The following GARRE1 variants were observed in gnomAD, a reference collection of about 807,000 sequenced individuals.
The protein encoded by GARRE1 is granule associated Rac and RHOG effector protein 1.
GARRE1 carries 49 observed loss-of-function variants against 103.2 expected under a neutral mutation model. The ratio of observed to expected loss-of-function variants is 0.47; its 90% CI spans 0.38 to 0.60. The LOEUF is 0.60. Ranked by LOEUF, GARRE1 falls within the 20% of genes least tolerant of loss-of-function variation. GARRE1 has a pLI of 0.00. For synonymous variants in GARRE1, 505 were observed against 532.8 expected, an observed-to-expected ratio of 0.95 and a Z score of 0.72; for missense variants, 1,199 against 1,370.5, an observed-to-expected ratio of 0.87 and a Z score of 1.98.
chr19:34,332,776 A>AT (rs1412564950), intron 7 of GARRE1, among the ~76,000 whole-genome samples: 1 of 152,076 alleles, frequency 6.6e-6, no homozygotes, highest in Admixed American at 6.6e-5. Flanking sequence ...ATATTTTATG[A>AT]TTTTTTAAAA....
intron 1 of GARRE1, among the ~76,000 whole-genome samples, chr19:34,299,341 C>T (rs532973271): frequency 6.6e-6 from 1 of 152,290 alleles, no homozygotes; most frequent in African/African-American, 2.4e-5. Context: ...AATCTGAGTA[C>T]TCATGTGATC....
At chr19:34,290,649 G>C (rs927990706) in intron 1 of GARRE1, among the ~76,000 whole-genome samples, 4 of 151,790 alleles carry the variant, frequency 2.6e-5, no homozygotes, top group African/African-American at 9.7e-5. Flanking sequence ...AGGTGACCTG[G>C]CTAATTTGAA....
rs1462696070 is a variant in GARRE1, at chr19:34,342,021, TG to T, written c.2088del (p.Pro698LeufsTer14). 6.2e-7 allele frequency: 1 copy of T among 1,614,114 alleles called. No individual in the cohort carries two copies. The highest frequency in any genetic ancestry group is 1.1e-5 in the South Asian group (1 of 91,072). On this transcript the variant is annotated frameshift_variant, in exon 10 of 14. Transcript: ENST00000299505. LOFTEE classifies it high-confidence loss of function. ...CAACCACAGCAGCCGTCACTGCCTG[TG>T]CCCCCTCCACCACGGGCACCCCAGG... ...AMQPQQPSLPVPPPPRAPQAG... is the reference protein window; with the variant it reads ...AMQPQQPSLPXPPPPRAPQAG...
Position 34,342,101 on chromosome 19 carries a change from TC to T in GARRE1, c.2171del (p.Pro724GlnfsTer71). 2 of 1,613,880 alleles carry T rather than the reference TC, an allele frequency of 1.2e-6. No homozygotes were observed. Among genetic ancestry groups the T allele is most frequent in the Non-Finnish European group, 1.7e-6 (2 of 1,179,966 alleles). ...PQPGLAPQQQ[S>X]PKQQQPQVQY... ...GCCGGGACTGGCACCTCAGCAGCAG[TC>T]CCCAAAGCAGCAACAACCTCAAGTC... is the stretch of plus-strand genomic sequence containing the variant. On this transcript the variant is annotated frameshift_variant, in exon 10 of 14. Coordinates refer to ENST00000299505, the MANE Select transcript of GARRE1 (RefSeq NM_014686.5). LOFTEE classifies it high-confidence loss of function.
rs780885272 is a variant in GARRE1 at position 34,352,727 on chromosome 19, C to T, written c.2985C>T (p.Ser995=). 14 of 1,613,988 alleles carry T rather than the reference C, an allele frequency of 8.7e-6. No individual in the cohort carries two copies. Among genetic ancestry groups the T allele is most frequent in the African/African-American group, 4.0e-5 (3 of 74,904 alleles). The part of the protein sequence containing the change: ...SPLPSTLPSP[S]APLYAVTSPG... ...TTCCCAGCACGCTGCCCAGCCCCAG[C>T]GCACCACTCTATGCAGTCACCAGCC... The change falls in exon 14 of 14, where the codon AGC becomes AGT. Residue 995 remains serine, a synonymous_variant. Transcript: ENST00000299505.
intron 1 of GARRE1, among the ~76,000 whole-genome samples, chr19:34,258,620 T>TA (rs550795531): frequency 4.9e-4 from 72 of 148,106 alleles, no homozygotes; most frequent in Non-Finnish European, 7.6e-4. Flanking sequence ...CCATCTCTAC[T>TA]AAAAAAAAAA....
chr19:34,330,821 GC>G (rs985763601), intron 7 of GARRE1, among the ~76,000 whole-genome samples: 1 of 141,796 alleles, frequency 7.1e-6, no homozygotes, highest in Non-Finnish European at 1.5e-5. Context: ...TCAACTCGCC[GC>G]CTTCTGGGCT....
chr19:34,269,021 T>A (rs1403501315), intron 1 of GARRE1, among the ~76,000 whole-genome samples: 1 of 152,214 alleles, frequency 6.6e-6, no homozygotes, highest in African/African-American at 2.4e-5. Flanking sequence ...CCTATTTTTT[T>A]AAAACCTCTG....
intron 8 of GARRE1, among the ~76,000 whole-genome samples, 161 bp from the exon 9 acceptor site, chr19:34,339,706 T>C (rs910992594): frequency 6.6e-6 from 1 of 152,302 alleles, no homozygotes; most frequent in East Asian, 1.9e-4. Flanking sequence ...GGGCAGTGAG[T>C]TCCAGGATCA....
rs1029646464 is a variant in GARRE1, at chr19:34,337,402, C to T, written c.1362-2465C>T. ...ATAGAGAATAAGTAGGATAGAGATT[C>T]GGGGGAGACTTTTAGACGAGTCAGT... is the stretch of plus-strand genomic sequence containing the variant. On this transcript the variant is annotated intron_variant, in intron 8 of 13. Coordinates refer to ENST00000299505, the MANE Select transcript of GARRE1 (RefSeq NM_014686.5). 7.9e-5 allele frequency among the ~76,000 whole-genome samples: 12 copies of T among 151,998 alleles called. No homozygotes were observed. In the South Asian group the frequency reaches 8.3e-4, roughly 11 times the overall value.
intron 1 of GARRE1, among the ~76,000 whole-genome samples, chr19:34,298,721 A>G (rs1013757689): frequency 1.3e-5 from 2 of 152,188 alleles, no homozygotes; most frequent in African/African-American, 4.8e-5. Flanking sequence ...AAAAATAATA[A>G]TAATAAGTTA....
At chr19:34,328,238 A>AT in intron 6 of GARRE1, 87 bp downstream of exon 6, 2 of 1,460,626 alleles carry the variant, frequency 1.4e-6, no homozygotes, top group Non-Finnish European at 1.8e-6. Context: ...AAGGATGTAG[A>AT]TTAAAAAAAA....
chr19:34,300,323 T>C lies in GARRE1; in HGVS notation c.-151T>C, dbSNP rs2073970287. ...AAACCTGTTGTCTCTCACCTCTACA[T>C]TGGATCACATGGTCACCTGCCTCAT... On this transcript the variant is annotated 5_prime_UTR_variant, in exon 2 of 14. Coordinates refer to ENST00000299505, the MANE Select transcript of GARRE1 (RefSeq NM_014686.5). 1 of 765,538 alleles carries C rather than the reference T, an allele frequency of 1.3e-6. No homozygotes were observed. 47.4% of individuals were successfully genotyped at this position (765,538 alleles called of 1,614,324 possible).
At chr19:34,288,921 C>T (rs1053219907) in intron 1 of GARRE1, among the ~76,000 whole-genome samples, 19 of 151,554 alleles carry the variant, frequency 1.3e-4, no homozygotes, top group Non-Finnish European at 2.7e-4. Context: ...CAGTTGAGGC[C>T]AGGAGTTCGA....
chr19:34,278,462 A>ATTT (rs2073831109), intron 1 of GARRE1, among the ~76,000 whole-genome samples: 3 of 151,488 alleles, frequency 2.0e-5, no homozygotes, highest in Non-Finnish European at 4.4e-5. Flanking sequence ...AAAAAAAAAA[A>ATTT]AAAAAGTCTT....
intron 1 of GARRE1, among the ~76,000 whole-genome samples, chr19:34,281,879 C>T (rs996124707): frequency 5.9e-5 from 9 of 152,028 alleles, no homozygotes; most frequent in African/African-American, 1.9e-4. Flanking sequence ...AAAGATAAAA[C>T]CATAAGTAAG....
chr19:34,281,707 C>T (rs2073855005), intron 1 of GARRE1, among the ~76,000 whole-genome samples: 2 of 152,204 alleles, frequency 1.3e-5, no homozygotes, highest in Non-Finnish European at 1.5e-5. Context: ...ATGTGAAGCA[C>T]TACACCTGGC....
At chr19:34,290,512 CTT>C (rs1491056271) in intron 1 of GARRE1, among the ~76,000 whole-genome samples, 2 of 152,052 alleles carry the variant, frequency 1.3e-5, no homozygotes, top group Non-Finnish European at 2.9e-5. Flanking sequence ...CTCTCTCTCT[CTT>C]AGAGACAGGG....
chr19:34,255,884 C>T (rs1025694383), intron 1 of GARRE1, among the ~76,000 whole-genome samples: 1 of 151,898 alleles, frequency 6.6e-6, no homozygotes, highest in African/African-American at 2.4e-5. Flanking sequence ...CTCTGTCACC[C>T]AGGCTGGAGT....
Sources: allele counts gnomAD v4.1 joint callset (sites outside exome capture counted in the v4.1 genomes callset), GRCh38; gene constraint gnomAD v4.1.1; transcripts MANE v1.5; gene names NCBI Gene and HGNC (gene_info 2026-07-23, HGNC 2026-07-21).